NALCN: variants seen among roughly 807,000 people sequenced by gnomAD.
NALCN encodes the protein sodium leak channel, non-selective.
In NALCN, 111 loss-of-function variants were observed where a neutral mutation model predicts 225.3. The ratio of observed to expected loss-of-function variants is 0.49; its 90% CI spans 0.42 to 0.58. NALCN has a LOEUF of 0.58. NALCN is among the 20% of genes least tolerant of loss of function. NALCN has a pLI of 0.00. For synonymous variants in NALCN, 764 were observed against 769.0 expected (o/e 0.99, Z 0.11); for missense variants, 1,378 against 2,202.4 (o/e 0.63, Z 7.49).
Position 101,104,263 on chromosome 13 carries a change from A to G in NALCN, c.2889+32T>C, listed in dbSNP as rs1447385591. On this transcript the variant is annotated intron_variant, in intron 25 of 43. Transcript: ENST00000251127. This position sits in a 1 kb window ranked among gnomAD's most constrained non-coding sequence, Gnocchi z 4.2. ...GCAGGAGATTTTACAAAACCATTACATTTTTCATTTAGGCAATAAGCAAAG... is the reference window on the plus strand; with the variant it reads ...GCAGGAGATTTTACAAAACCATTACGTTTTTCATTTAGGCAATAAGCAAAG... 27 of 1,567,434 alleles carry G rather than the reference A, an allele frequency of 1.7e-5. No individual in the cohort carries two copies. The highest frequency in any genetic ancestry group is 2.2e-5 in the Non-Finnish European group (25 of 1,160,758).
chr13:101,128,788 C>T (rs1446968730), intron 17 of NALCN, among the ~76,000 whole-genome samples: 1 of 151,808 alleles, frequency 6.6e-6, no homozygotes, highest in Non-Finnish European at 1.5e-5. Context: ...TCTTGAAATG[C>T]CTGGGCTCAA....
At chr13:101,223,127 C>A (rs1030621938) in intron 13 of NALCN, among the ~76,000 whole-genome samples, 3 of 152,112 alleles carry the variant, frequency 2.0e-5, no homozygotes, top group Non-Finnish European at 4.4e-5. Flanking sequence ...AAAAACAACT[C>A]TTTTACGGGA....
At chr13:101,279,987 T>C (rs2043113733) in intron 10 of NALCN, among the ~76,000 whole-genome samples, 1 of 152,130 alleles carries the variant, frequency 6.6e-6, no homozygotes, top group Non-Finnish European at 1.5e-5. Context: ...CAGTTTTAGA[T>C]GGCATTAATC....
intron 11 of NALCN, 100 bp from the exon 12 acceptor site, chr13:101,238,022 A>G (rs2041625496): frequency 9.7e-7 from 1 of 1,031,892 alleles, no homozygotes. Flanking sequence ...CCACTATCAT[A>G]TACACTAAGG....
At chr13:101,307,514 C>T (rs1489057102) in intron 7 of NALCN, among the ~76,000 whole-genome samples, 1 of 152,218 alleles carries the variant, frequency 6.6e-6, no homozygotes, top group African/African-American at 2.4e-5. Flanking sequence ...CCAATGAATC[C>T]GTGCTCGCCT....
chr13:101,211,302 A>G (rs1285352607), intron 13 of NALCN, among the ~76,000 whole-genome samples: 1 of 152,146 alleles, frequency 6.6e-6, no homozygotes, highest in Non-Finnish European at 1.5e-5. Context: ...CCAAAATAAG[A>G]TGAGCTGCAA....
intron 7 of NALCN, among the ~76,000 whole-genome samples, chr13:101,318,997 G>A (rs1215118899): frequency 6.6e-6 from 1 of 152,170 alleles, no homozygotes; most frequent in African/African-American, 2.4e-5. Context: ...AAGTGCTGCT[G>A]GATGTTGTTA....
chr13:101,147,066 A>T (rs779288689), intron 15 of NALCN, among the ~76,000 whole-genome samples: 1 of 152,278 alleles, frequency 6.6e-6, no homozygotes, highest in Non-Finnish European at 1.5e-5. Context: ...ATGAGAATTC[A>T]ATGTCTTCAA....
At chr13:101,133,263 T>C (rs1194563928) in intron 17 of NALCN, among the ~76,000 whole-genome samples, 1 of 152,240 alleles carries the variant, frequency 6.6e-6, no homozygotes, top group African/African-American at 2.4e-5. Context: ...ATTATAAATA[T>C]TCAATAGCTT....
intron 14 of NALCN, among the ~76,000 whole-genome samples, chr13:101,189,197 G>T (rs1386493064): frequency 6.6e-6 from 1 of 152,076 alleles, no homozygotes; most frequent in East Asian, 1.9e-4. Context: ...AGTGAAATAT[G>T]TTCTAAAAAT....
chr13:101,145,645 A>C (rs1311840106), intron 15 of NALCN, among the ~76,000 whole-genome samples: 3 of 152,194 alleles, frequency 2.0e-5, no homozygotes, highest in Non-Finnish European at 4.4e-5. Flanking sequence ...TCCAGAATTC[A>C]TGCTATACTT....
intron 43 of NALCN, among the ~76,000 whole-genome samples, chr13:101,055,885 A>T (rs2031176725): frequency 6.6e-6 from 1 of 152,124 alleles, no homozygotes; most frequent in South Asian, 2.1e-4. Context: ...GGGGGGATGC[A>T]GTGAGGGTAT....
chr13:101,269,980 T>C (rs2042721910), intron 10 of NALCN, among the ~76,000 whole-genome samples: 1 of 152,248 alleles, frequency 6.6e-6, no homozygotes, highest in South Asian at 2.1e-4. Context: ...TAATTTTCTC[T>C]CATGTTCCCT....
In NALCN at chr13:101,292,142, G is replaced by A. The variant is rs1321508592; in HGVS notation, c.943-48C>T. On this transcript the variant is annotated intron_variant, in intron 8 of 43. Coordinates refer to ENST00000251127, the MANE Select transcript of NALCN (RefSeq NM_052867.4). This position sits in a 1 kb window ranked among gnomAD's most constrained non-coding sequence, Gnocchi z 4.3. ...TTTACCAAAGTCTAAGAATGACAAAGCAGAGGGCAACCAAAACCAAACAAA... is the reference window on the plus strand; with the variant it reads ...TTTACCAAAGTCTAAGAATGACAAAACAGAGGGCAACCAAAACCAAACAAA... 5.6e-6 allele frequency: 9 copies of A among 1,612,236 alleles called. No individual in the cohort carries two copies. Among genetic ancestry groups the A allele is most frequent in the South Asian group, 1.1e-5 (1 of 90,910 alleles).
intron 6 of NALCN, among the ~76,000 whole-genome samples, chr13:101,346,113 G>A (rs1429771771): frequency 1.6e-5 from 1 of 62,522 alleles, no homozygotes; most frequent in Non-Finnish European, 3.3e-5. Flanking sequence ...ATATATATAT[G>A]ATGTTATTTG....
chr13:101,355,260 T>C (rs1189576447), intron 6 of NALCN, among the ~76,000 whole-genome samples: 4 of 151,780 alleles, frequency 2.6e-5, no homozygotes, highest in Admixed American at 2.6e-4. Context: ...CCAACTTGGA[T>C]AAAGAGTTAA....
chr13:101,387,145 C>G (rs905538040), intron 3 of NALCN, among the ~76,000 whole-genome samples: 1 of 140,818 alleles, frequency 7.1e-6, no homozygotes, highest in African/African-American at 2.7e-5. Flanking sequence ...GGCGTGAACC[C>G]GGGAAGCGGA....
At chr13:101,207,280 C>A (rs1242676418) in intron 13 of NALCN, among the ~76,000 whole-genome samples, 2 of 152,116 alleles carry the variant, frequency 1.3e-5, no homozygotes, top group South Asian at 2.1e-4. Context: ...TAACAAAAAC[C>A]AAATATAGCA....
At chr13:101,257,426 A>G (rs2042275535) in intron 11 of NALCN, among the ~76,000 whole-genome samples, 1 of 152,170 alleles carries the variant, frequency 6.6e-6, no homozygotes, top group Non-Finnish European at 1.5e-5. Context: ...ACATGCAATC[A>G]ATTCTTTTTC....
Sources: allele counts gnomAD v4.1 joint callset (sites outside exome capture counted in the v4.1 genomes callset), GRCh38; gene constraint gnomAD v4.1.1; non-coding constraint Gnocchi (gnomAD v3.1); transcripts MANE v1.5; gene names NCBI Gene and HGNC (gene_info 2026-07-23, HGNC 2026-07-21).